The following BIRC6 variants were observed in gnomAD, a reference collection of about 807,000 sequenced individuals.
The protein encoded by BIRC6 is dual E2 ubiquitin-conjugating enzyme/E3 ubiquitin-protein ligase BIRC6.
In BIRC6, 98 loss-of-function variants were observed where a neutral mutation model predicts 503.3. The observed-to-expected ratio is 0.19, with a 90% CI of 0.17 to 0.23. BIRC6 has a LOEUF of 0.23. Ranked by LOEUF, BIRC6 falls within the 10% of genes least tolerant of loss-of-function variation. The pLI, the probability that BIRC6 is intolerant of heterozygous loss-of-function variation, is 1.00. For missense variants in BIRC6, 5,360 were observed against 5,806.0 expected, an observed-to-expected ratio of 0.92 and a Z score of 2.50; for synonymous variants, 2,240 against 2,078.7, an observed-to-expected ratio of 1.08 and a Z score of -2.11.
At chr2:32,507,608 G>A (rs2053943976) in intron 50 of BIRC6, among the ~76,000 whole-genome samples, 1 of 152,018 alleles carries the variant, frequency 6.6e-6, no homozygotes, top group Non-Finnish European at 1.5e-5. Context: ...TTAATCAAAG[G>A]TAGTTTTGTA....
In BIRC6 at chr2:32,481,445, G is replaced by T. The variant is rs146185570; in HGVS notation, c.7534G>T (p.Val2512Phe). 1.3e-3 allele frequency: 2,166 copies of T among 1,609,862 alleles called. No individual in the cohort carries two copies. The highest frequency in any genetic ancestry group is 1.7e-3 in the Non-Finnish European group (1,977 of 1,177,934). Reference sequence around the variant, plus strand: ...GGAAAAGGACCCTCTTGCAGCCAAGGTTTTTAAGGTATGATACATGAGAAT... The same window carrying T: ...GGAAAAGGACCCTCTTGCAGCCAAGTTTTTTAAGGTATGATACATGAGAAT... The part of the protein sequence containing the change: ...DLEKDPLAAK[V>F]FKPISSTWYD... Residue 2512 changes from valine (V) to phenylalanine (F), a missense_variant, in exon 38 of 74, where the codon GTT becomes TTT. Val to Phe is a conservative substitution (Grantham distance 50). Around this residue, in one of 16 missense-constraint regions of BIRC6, gnomAD observed 2,299 missense variants for 2,267.2 expected, o/e 1.01. Transcript: ENST00000421745.
chr2:32,415,618 T>C lies in BIRC6; in HGVS notation c.2327T>C (p.Leu776Pro). The C allele has an allele frequency of 6.2e-7, 1 of 1,613,978 alleles. No homozygotes were observed. Among genetic ancestry groups the C allele is most frequent in the Non-Finnish European group, 8.5e-7 (1 of 1,179,882 alleles). The part of the protein sequence containing the change: ...LNNLNKLNSA[L>P]CNRRKGELES... ...AATTTAAATAAATTAAACTCTGCAC[T>C]ATGTAATAGACGGAAAGGTGAGCTG... is the stretch of plus-strand genomic sequence containing the variant. Residue 776 changes from leucine (L) to proline (P), a missense_variant, in exon 10 of 74, where the codon CTA (leucine) becomes CCA (proline). By Grantham distance (98) the Leu-to-Pro change is moderately conservative. This residue lies in a region of BIRC6 where 700 missense variants were observed against 739.3 expected (regional missense o/e 0.95). Coordinates refer to ENST00000421745, the MANE Select transcript of BIRC6 (RefSeq NM_016252.4).
chr2:32,579,292 A>G (rs981728616), intron 66 of BIRC6, among the ~76,000 whole-genome samples: 3 of 151,970 alleles, frequency 2.0e-5, no homozygotes, highest in Admixed American at 1.3e-4. Flanking sequence ...CTTGAAATCT[A>G]TCCTGAGGCC....
intron 10 of BIRC6, among the ~76,000 whole-genome samples, chr2:32,422,376 A>G (rs1357394919): frequency 6.6e-6 from 1 of 151,770 alleles, no homozygotes. Context: ...TTTGTGTTGA[A>G]TAAATATTTT....
At chr2:32,496,607 A>G (rs1226366608) in intron 45 of BIRC6, among the ~76,000 whole-genome samples, 1 of 152,112 alleles carries the variant, frequency 6.6e-6, no homozygotes, top group Non-Finnish European at 1.5e-5. Context: ...GTTCCCTTAC[A>G]GTATTTTTTG....
chr2:32,488,816 A>G lies in BIRC6; in HGVS notation c.8095+102A>G, dbSNP rs1041979300. 7 of 841,258 alleles carry G rather than the reference A, an allele frequency of 8.3e-6. No homozygotes were observed. In the African/African-American group the frequency reaches 1.1e-4, roughly 13 times the overall value. The allele number at this position is 841,258 out of a possible 1,614,324, so 52.1% of individuals were successfully genotyped here. A position where few individuals can be genotyped will look rare whatever the true frequency, so the allele number is the denominator to read the frequency against. On this transcript the variant is annotated intron_variant, in intron 42 of 73. Coordinates refer to ENST00000421745, the MANE Select transcript of BIRC6 (RefSeq NM_016252.4). Reference sequence around the variant, plus strand: ...AATCTTTGTCATTAGGGGTTATAACATTCTAGTGGGGAAAAAACAGAATAC... The same window carrying G: ...AATCTTTGTCATTAGGGGTTATAACGTTCTAGTGGGGAAAAAACAGAATAC...
At position 32,485,753 on chromosome 2, in the gene BIRC6, C is replaced by T. The variant is rs1377146079; in HGVS notation, c.7807C>T (p.Pro2603Ser). Reference sequence around the variant, plus strand: ...TTTACAGGCATTAACAAATACATCTCCTACATGTAAGTAAAATGACCATTT... The same window carrying T: ...TTTACAGGCATTAACAAATACATCTTCTACATGTAAGTAAAATGACCATTT... Reference protein sequence around the residue: ...SILQALTNTSPTLSQSPTGTD... With the variant: ...SILQALTNTSSTLSQSPTGTD... Residue 2603 changes from proline to serine, a missense_variant, in exon 40 of 74, where the codon CCT (proline) becomes TCT (serine). Transcript: ENST00000421745. The T allele has an allele frequency of 2.5e-6, 4 of 1,587,898 alleles. No homozygotes were observed. Among genetic ancestry groups the T allele is most frequent in the African/African-American group, 1.3e-5 (1 of 74,332 alleles).
intron 65 of BIRC6, among the ~76,000 whole-genome samples, chr2:32,560,479 C>T (rs1200767300): frequency 6.6e-6 from 1 of 152,132 alleles, no homozygotes; most frequent in Non-Finnish European, 1.5e-5. Flanking sequence ...AAAATATATA[C>T]CAGTTAAATA....
intron 1 of BIRC6, among the ~76,000 whole-genome samples, chr2:32,375,002 A>T (rs1430778637): frequency 6.6e-6 from 1 of 152,108 alleles, no homozygotes; most frequent in Non-Finnish European, 1.5e-5. Flanking sequence ...TGAACATGGT[A>T]TTATTTAGGC....
chr2:32,516,503 G>A (rs940393312), intron 55 of BIRC6, among the ~76,000 whole-genome samples: 48 of 140,624 alleles, frequency 3.4e-4, no homozygotes, highest in Non-Finnish European at 4.4e-4. Context: ...GCGACAAAGC[G>A]AGACTCTGTC....
At chr2:32,514,873 C>T (rs2149696496) in intron 54 of BIRC6, 117 bp from the exon 55 acceptor site, 3 of 734,410 alleles carry the variant, frequency 4.1e-6, no homozygotes, top group Middle Eastern at 3.7e-4. Context: ...TTTTATTATT[C>T]AATGTCAAAT....
chr2:32,616,385 C>A (rs1449920891), intron 73 of BIRC6, among the ~76,000 whole-genome samples: 1 of 151,618 alleles, frequency 6.6e-6, no homozygotes, highest in Non-Finnish European at 1.5e-5. Context: ...AGGCAAAACC[C>A]CGTCTCTACC....
intron 66 of BIRC6, among the ~76,000 whole-genome samples, chr2:32,592,406 A>C (rs1436139787): frequency 6.6e-6 from 1 of 152,188 alleles, no homozygotes; most frequent in Non-Finnish European, 1.5e-5. Context: ...TACACATTGT[A>C]GGAACCAAAT....
At chr2:32,467,232 A>G in intron 26 of BIRC6, among the ~76,000 whole-genome samples, 1 of 152,126 alleles carries the variant, frequency 6.6e-6, no homozygotes, top group African/African-American at 2.4e-5. Flanking sequence ...CCTCGGCTCA[A>G]GCAATTCTCC....
chr2:32,539,087 T>A (rs2057458333), intron 61 of BIRC6, among the ~76,000 whole-genome samples: 1 of 152,210 alleles, frequency 6.6e-6, no homozygotes, highest in Non-Finnish European at 1.5e-5. Flanking sequence ...TATCACAAAG[T>A]TGAATTATAG....
chr2:32,605,142 C>G (rs1013921260), intron 71 of BIRC6, among the ~76,000 whole-genome samples: 1 of 152,110 alleles, frequency 6.6e-6, no homozygotes, highest in Admixed American at 6.6e-5. Context: ...CTCAGCCTCC[C>G]AAAGTGTTAG....
rs755071111 is a variant in BIRC6, at chr2:32,463,308, C to A, written c.4868C>A (p.Ala1623Glu). The part of the protein sequence containing the change: ...AQVALQSLSH[A>E]MASAEQQLQV... ...GTAGCTTTGCAGTCTCTCTCTCATG[C>A]AATGGCTTCAGCCGAGCAACAGCTA... Residue 1623 changes from alanine to glutamate, a missense_variant, in exon 24 of 74, where the codon GCA (alanine) becomes GAA (glutamate). Ala to Glu is a moderately radical substitution (Grantham distance 107, BLOSUM62 -1). This residue lies in a region of BIRC6 where 2,299 missense variants were observed against 2,267.2 expected (regional missense o/e 1.01). Transcript: ENST00000421745. 1 of 1,613,806 alleles carries A rather than the reference C, an allele frequency of 6.2e-7. No individual in the cohort carries two copies. Among genetic ancestry groups the A allele is most frequent in the Non-Finnish European group, 8.5e-7 (1 of 1,179,866 alleles).
At chr2:32,426,060 C>G (rs1248873779) in intron 10 of BIRC6, among the ~76,000 whole-genome samples, 1 of 152,224 alleles carries the variant, frequency 6.6e-6, no homozygotes, top group Non-Finnish European at 1.5e-5. Context: ...ATCATACTTT[C>G]TAGTTGAGTG....
intron 10 of BIRC6, among the ~76,000 whole-genome samples, chr2:32,421,197 C>T (rs1303915266): frequency 6.6e-6 from 1 of 151,244 alleles, no homozygotes; most frequent in African/African-American, 2.4e-5. Context: ...ACCTCTGCCT[C>T]CCAGGTTCAA....
Sources: allele counts gnomAD v4.1 joint callset (sites outside exome capture counted in the v4.1 genomes callset), GRCh38; gene constraint gnomAD v4.1.1; regional missense constraint gnomAD v4.1.1; transcripts MANE v1.5; gene names NCBI Gene and HGNC (gene_info 2026-07-23, HGNC 2026-07-21).